PLD5: variants seen among roughly 807,000 people sequenced by gnomAD.
The protein encoded by PLD5 is phospholipase D family member 5.
PLD5 carries 36 observed loss-of-function variants against 61.1 expected under a neutral mutation model. That is an observed-to-expected ratio of 0.59 (90% CI 0.45 to 0.78). The LOEUF (loss-of-function observed/expected upper bound fraction) is 0.78. Among genes scored for constraint, PLD5 ranks in the 30% least tolerant of loss-of-function variants. The probability of loss-of-function intolerance (pLI) is 0.00; values close to 1 mark genes in which losing one functional copy is unlikely to be tolerated. For missense variants in PLD5, 515 were observed against 644.4 expected, an observed-to-expected ratio of 0.80 and a Z score of 2.17; for synonymous variants, 243 against 242.8, an observed-to-expected ratio of 1.00 and a Z score of -0.01.
At chr1:242,442,420 C>T (rs186299020) in intron 1 of PLD5, among the ~76,000 whole-genome samples, 12 of 152,168 alleles carry the variant, frequency 7.9e-5, no homozygotes, top group South Asian at 2.1e-4. Context: ...TTATCCATGG[C>T]GGCACTGTTA....
At chr1:242,345,991 G>T (rs1231997439) in intron 2 of PLD5, among the ~76,000 whole-genome samples, 1 of 148,106 alleles carries the variant, frequency 6.8e-6, no homozygotes, top group African/African-American at 2.5e-5. Flanking sequence ...ACCTAGAGGT[G>T]ATGTATGTTT....
At chr1:242,246,183 A>G (rs2149072370) in intron 4 of PLD5, among the ~76,000 whole-genome samples, 1 of 152,100 alleles carries the variant, frequency 6.6e-6, no homozygotes, top group African/African-American at 2.4e-5. Context: ...GCCTGGCAAC[A>G]CAGTGAGACC....
At chr1:242,391,912 A>G (rs1442094929) in intron 1 of PLD5, among the ~76,000 whole-genome samples, 1 of 152,238 alleles carries the variant, frequency 6.6e-6, no homozygotes, top group African/African-American at 2.4e-5. Flanking sequence ...TACTGGTTAT[A>G]TACACAAAGA....
In PLD5 at chr1:242,422,090, G is replaced by T. The variant is rs1665176569; in HGVS notation, c.190-73848C>A. 1.3e-5 allele frequency among the ~76,000 whole-genome samples: 2 copies of T among 152,158 alleles called. 1 individual carries two copies. The highest frequency in any genetic ancestry group is 4.1e-4 in the South Asian group (2 of 4,830). The stretch of plus-strand genomic sequence containing the variant: ...CAATCTGCTTCCTAAGTATTTTTAT[G>T]AGTAAGCCTGTCCCTTCTTGCTAGA... On this transcript the variant is annotated intron_variant, in intron 1 of 9. Coordinates refer to ENST00000536534, the MANE Select transcript of PLD5 (RefSeq NM_001372062.1).
At chr1:242,180,360 TTGTATATATA>T (rs1199762255) in intron 5 of PLD5, among the ~76,000 whole-genome samples, 1 of 152,180 alleles carries the variant, frequency 6.6e-6, no homozygotes, top group Non-Finnish European at 1.5e-5. Flanking sequence ...ATTTCAATAG[TTGTATATATA>T]TGCATATATA....
intron 2 of PLD5, among the ~76,000 whole-genome samples, chr1:242,338,109 A>G (rs1449078063): frequency 6.6e-6 from 1 of 152,086 alleles, no homozygotes; most frequent in African/African-American, 2.4e-5. Context: ...TCTGTTGAAA[A>G]TTTTTTGTCA....
chr1:242,501,790 T>TTATATATATATATATATATA (rs10648981), intron 1 of PLD5, among the ~76,000 whole-genome samples: 2 of 147,164 alleles, frequency 1.4e-5, no homozygotes, highest in African/African-American at 4.9e-5. Context: ...TAATATTCCA[T>TTATATATATATATATATATA]TATATATATA....
chr1:242,171,169 C>G (rs1318844950), intron 5 of PLD5, among the ~76,000 whole-genome samples: 1 of 152,180 alleles, frequency 6.6e-6, no homozygotes, highest in East Asian at 1.9e-4. Flanking sequence ...AAGGGAAGCT[C>G]ATCAGACTAA....
In PLD5 at chr1:242,113,926, A is replaced by C; in HGVS notation, c.1034T>G (p.Met345Arg). The C allele has an allele frequency of 6.2e-7, 1 of 1,613,776 alleles. No individual in the cohort carries two copies. Among genetic ancestry groups the C allele is most frequent in the Non-Finnish European group, 8.5e-7 (1 of 1,179,828 alleles). ...TGTGCTGGAGATAGGCAGGTAGTCC[A>C]TGACAGCGATGTACACATACTGCTT... The part of the protein sequence containing the change: ...DAKQYVYIAV[M>R]DYLPISSTST... The change falls in exon 7 of 10, where the codon ATG becomes AGG. Residue 345 changes from methionine to arginine, a missense_variant. Transcript: ENST00000536534.
chr1:242,336,501 C>A (rs1015752926), intron 2 of PLD5, among the ~76,000 whole-genome samples: 3 of 151,852 alleles, frequency 2.0e-5, no homozygotes, highest in Admixed American at 6.6e-5. Flanking sequence ...TGTCTTAATA[C>A]GTAAAGGCGT....
chr1:242,482,162 CA>C (rs1407831758), intron 1 of PLD5, among the ~76,000 whole-genome samples: 12 of 152,186 alleles, frequency 7.9e-5, no homozygotes, highest in African/African-American at 2.7e-4. Flanking sequence ...TCTCCTCCTC[CA>C]AAGGAATGCA....
upstream of PLD5, among the ~76,000 whole-genome samples, chr1:242,524,847 G>C (rs2103016324): frequency 6.6e-6 from 1 of 151,700 alleles, no homozygotes; most frequent in Admixed American, 6.6e-5. Context: ...CCGGGCGGCC[G>C]CGCTCCCGCT....
intron 1 of PLD5, among the ~76,000 whole-genome samples, chr1:242,445,964 T>C (rs566184293): frequency 2.6e-4 from 40 of 152,156 alleles, no homozygotes; most frequent in Non-Finnish European, 4.7e-4. Flanking sequence ...TTCCTTCTAA[T>C]TTTTCTCCTT....
chr1:242,193,834 A>T (rs1204050625), intron 5 of PLD5, among the ~76,000 whole-genome samples: 1 of 152,216 alleles, frequency 6.6e-6, no homozygotes, highest in Non-Finnish European at 1.5e-5. Context: ...GATCAGATAA[A>T]TTAATGCAAA....
intron 5 of PLD5, among the ~76,000 whole-genome samples, chr1:242,185,593 G>GAGAT (rs1667821805): frequency 1.3e-5 from 2 of 152,182 alleles, no homozygotes; most frequent in East Asian, 3.8e-4. Context: ...CTGGGGTAGA[G>GAGAT]AGATATTATA....
At chr1:242,159,695 T>C (rs1450097056) in intron 5 of PLD5, among the ~76,000 whole-genome samples, 1 of 152,168 alleles carries the variant, frequency 6.6e-6, no homozygotes, top group Non-Finnish European at 1.5e-5. Flanking sequence ...TCAATGGGTT[T>C]CTACCAGTAG....
At chr1:242,114,909 GC>G (rs61461559) in intron 6 of PLD5, among the ~76,000 whole-genome samples, 1,544 of 152,254 alleles carry the variant, frequency 0.01, 32 homozygotes, top group African/African-American at 0.035. Flanking sequence ...ACGGATGGTA[GC>G]CCAAGCCTGT....
At chr1:242,267,256 G>A (rs1673744662) in intron 3 of PLD5, among the ~76,000 whole-genome samples, 1 of 152,160 alleles carries the variant, frequency 6.6e-6, no homozygotes, top group East Asian at 1.9e-4. Flanking sequence ...AGGGTGTTAG[G>A]AGAAAGAAGC....
intron 1 of PLD5, among the ~76,000 whole-genome samples, chr1:242,469,098 T>C (rs2102946598): frequency 6.6e-6 from 1 of 152,358 alleles, no homozygotes; most frequent in African/African-American, 2.4e-5. Flanking sequence ...ACATCTGGAT[T>C]GCCTCTTTGT....
Sources: gnomAD v4.1 joint callset for allele counts (sites outside exome capture counted in the v4.1 genomes callset) on GRCh38, gnomAD v4.1.1 for gene constraint, MANE v1.5 for transcripts, NCBI Gene and HGNC (gene_info 2026-07-23, HGNC 2026-07-21) for gene names.